The following CACNA2D3 variants were observed in gnomAD, a reference collection of about 807,000 sequenced individuals.
CACNA2D3 encodes the protein voltage-dependent calcium channel subunit alpha-2/delta-3.
A neutral mutation model predicts 160.6 loss-of-function variants in CACNA2D3; 60 were observed. That is an observed-to-expected ratio of 0.37 (90% CI 0.30 to 0.46). CACNA2D3 has a LOEUF of 0.46. Among genes scored for constraint, CACNA2D3 ranks in the 20% least tolerant of loss-of-function variants. CACNA2D3 has a pLI of 1.00. For synonymous variants in CACNA2D3, 558 were observed against 492.9 expected (o/e 1.13, Z -1.75); for missense variants, 1,205 against 1,365.0 (o/e 0.88, Z 1.85).
chr3:54,848,844 A>G (rs1414371865), intron 17 of CACNA2D3, among the ~76,000 whole-genome samples: 1 of 152,200 alleles, frequency 6.6e-6, no homozygotes, highest in Non-Finnish European at 1.5e-5. Context: ...TAGTGCATAG[A>G]TCGTAGCTTG....
At chr3:54,843,479 T>C (rs1698865373) in intron 16 of CACNA2D3, among the ~76,000 whole-genome samples, 1 of 151,928 alleles carries the variant, frequency 6.6e-6, no homozygotes, top group South Asian at 2.1e-4. Context: ...TGCAGGGGGA[T>C]TGTTACTGCC....
At chr3:54,725,473 G>C (rs111897097) in intron 11 of CACNA2D3, among the ~76,000 whole-genome samples, 2,600 of 152,216 alleles carry the variant, frequency 0.017, 79 homozygotes, top group African/African-American at 0.06. Context: ...ATGAAAATTT[G>C]AGGTCAATAT....
At chr3:54,926,298 C>T (rs1213230006) in intron 27 of CACNA2D3, among the ~76,000 whole-genome samples, 2 of 152,080 alleles carry the variant, frequency 1.3e-5, no homozygotes, top group Non-Finnish European at 2.9e-5. Context: ...CCATTATTAT[C>T]CCCATTTGAA....
chr3:54,828,271 TG>T (rs1703787520), intron 14 of CACNA2D3, among the ~76,000 whole-genome samples: 1 of 152,238 alleles, frequency 6.6e-6, no homozygotes, highest in Admixed American at 6.5e-5. Context: ...TTATGTGTCA[TG>T]GCTCATCATA....
At chr3:54,636,402 T>C (rs952488949) in intron 10 of CACNA2D3, among the ~76,000 whole-genome samples, 2 of 151,864 alleles carry the variant, frequency 1.3e-5, no homozygotes, top group African/African-American at 4.9e-5. Context: ...ATGGTAATTG[T>C]GGGACTTAAC....
chr3:54,569,827 A>G lies in CACNA2D3; in HGVS notation c.709A>G (p.Ile237Val). ...ATGGGAACCAGATGAGAATGGAGTC[A>G]TTGCCTTCGACTGCAGGAACCGAAA... Reference protein sequence around the residue: ...IKWEPDENGVIAFDCRNRKWY... With the variant: ...IKWEPDENGVVAFDCRNRKWY... Residue 237 changes from isoleucine (I) to valine (V), a missense_variant, in exon 7 of 38, where the codon ATT (isoleucine) becomes GTT (valine). By Grantham distance (29) the Ile-to-Val change is conservative. Around this residue, in one of 3 missense-constraint regions of CACNA2D3, gnomAD observed 131 missense variants for 201.5 expected, o/e 0.65. Transcript: ENST00000474759. 2 of 1,606,684 alleles carry G rather than the reference A, an allele frequency of 1.2e-6. No homozygotes were observed. Among genetic ancestry groups the G allele is most frequent in the Non-Finnish European group, 1.7e-6 (2 of 1,176,226 alleles).
In CACNA2D3 at chr3:54,998,658, A is replaced by G. The variant is rs549369338; in HGVS notation, c.2691-6105A>G. Among the ~76,000 whole-genome samples the G allele has an allele frequency of 2.0e-5, 3 of 152,008 alleles. No individual in the cohort carries two copies. The East Asian group carries it at 5.9e-4, about 30-fold the overall frequency. On this transcript the variant is annotated intron_variant, in intron 31 of 37. Coordinates refer to ENST00000474759, the MANE Select transcript of CACNA2D3 (RefSeq NM_018398.3). ...CAGCAGTGAACCCTGGGAGGTCCTG[A>G]TAGCCTGTGTGGTTTATTCTTGGCT... is the stretch of plus-strand genomic sequence containing the variant.
At chr3:54,537,893 C>G (rs1701913903) in intron 5 of CACNA2D3, among the ~76,000 whole-genome samples, 1 of 152,154 alleles carries the variant, frequency 6.6e-6, no homozygotes, top group Non-Finnish European at 1.5e-5. Flanking sequence ...TTGTACCTGG[C>G]TGAGACATCT....
intron 4 of CACNA2D3, among the ~76,000 whole-genome samples, chr3:54,489,439 C>G (rs1701071212): frequency 6.6e-6 from 1 of 152,214 alleles, no homozygotes; most frequent in African/African-American, 2.4e-5. Context: ...CATGAACTTG[C>G]TGGTGTTCGG....
At chr3:54,846,995 G>A (rs1299445288) in intron 17 of CACNA2D3, among the ~76,000 whole-genome samples, 2 of 152,208 alleles carry the variant, frequency 1.3e-5, no homozygotes, top group Non-Finnish European at 2.9e-5. Flanking sequence ...ATTTTTCTCT[G>A]TTTCCTGCCT....
intron 27 of CACNA2D3, among the ~76,000 whole-genome samples, chr3:54,933,989 T>G (rs1182972185): frequency 6.6e-6 from 1 of 152,180 alleles, no homozygotes; most frequent in Non-Finnish European, 1.5e-5. Flanking sequence ...CAGGCTGGTC[T>G]CTAACTCCTG....
At chr3:54,463,657 A>G (rs1298542153) in intron 4 of CACNA2D3, among the ~76,000 whole-genome samples, 1 of 152,070 alleles carries the variant, frequency 6.6e-6, no homozygotes, top group African/African-American at 2.4e-5. Flanking sequence ...TGGTTATTCT[A>G]GTTATACATT....
At chr3:55,045,842 A>C (rs1353658431) in intron 35 of CACNA2D3, among the ~76,000 whole-genome samples, 1 of 152,096 alleles carries the variant, frequency 6.6e-6, no homozygotes, top group African/African-American at 2.4e-5. Context: ...ATCATTTAAA[A>C]GAACCAGCTG....
chr3:54,579,336 TC>T (rs1702637201), intron 8 of CACNA2D3, among the ~76,000 whole-genome samples: 1 of 152,172 alleles, frequency 6.6e-6, no homozygotes, highest in African/African-American at 2.4e-5. Flanking sequence ...GGCTCCGTCT[TC>T]CTGCTGTGTC....
chr3:54,988,180 G>C (rs1017598040), intron 31 of CACNA2D3, among the ~76,000 whole-genome samples: 1 of 152,214 alleles, frequency 6.6e-6, no homozygotes, highest in African/African-American at 2.4e-5. Context: ...GAGACTTCTT[G>C]ATGTTGTTTT....
intron 14 of CACNA2D3, among the ~76,000 whole-genome samples, chr3:54,833,896 T>C (rs551463311): frequency 5.9e-5 from 9 of 152,296 alleles, no homozygotes; most frequent in East Asian, 3.9e-4. Flanking sequence ...CCAGTTCAAA[T>C]TGGGGCCAGA....
At chr3:54,729,009 A>G (rs1014135560) in intron 11 of CACNA2D3, among the ~76,000 whole-genome samples, 7 of 152,176 alleles carry the variant, frequency 4.6e-5, no homozygotes, top group Non-Finnish European at 1.0e-4. Context: ...TTACTTCCCT[A>G]GAGTTCCCTT....
At chr3:54,428,735 C>T (rs1051437523) in intron 4 of CACNA2D3, among the ~76,000 whole-genome samples, 3 of 152,174 alleles carry the variant, frequency 2.0e-5, no homozygotes, top group African/African-American at 7.2e-5. Flanking sequence ...TAAACCATCT[C>T]ACTCTTTGTG....
chr3:54,311,158 A>G (rs1451067818), intron 2 of CACNA2D3, among the ~76,000 whole-genome samples: 1 of 152,200 alleles, frequency 6.6e-6, no homozygotes, highest in Non-Finnish European at 1.5e-5. Context: ...CACTGGGCCC[A>G]TCGTGGTCAG....
Sources: allele counts gnomAD v4.1 joint callset (sites outside exome capture counted in the v4.1 genomes callset), GRCh38; gene constraint gnomAD v4.1.1; regional missense constraint gnomAD v4.1.1; transcripts MANE v1.5; gene names NCBI Gene and HGNC (gene_info 2026-07-23, HGNC 2026-07-21).